The following RNF19A variants were observed in gnomAD, a reference collection of about 807,000 sequenced individuals.
RNF19A encodes ring finger protein 19A, RBR E3 ubiquitin protein ligase.
Under a neutral mutation model 75.7 loss-of-function variants are expected in RNF19A, and 32 were observed. That is an observed-to-expected ratio of 0.42 (90% CI 0.32 to 0.57). The LOEUF is 0.57. Ranked by LOEUF, RNF19A falls within the 20% of genes least tolerant of loss-of-function variation. RNF19A has a pLI of 0.10. For missense variants in RNF19A, 782 were observed against 1,036.3 expected, an observed-to-expected ratio of 0.75 and a Z score of 3.37; for synonymous variants, 335 against 345.2, an observed-to-expected ratio of 0.97 and a Z score of 0.33.
At position 100,259,961 on chromosome 8, in the gene RNF19A, G is replaced by A. The variant is rs1819637166; in HGVS notation, c.1719C>T (p.Tyr573=). ...EVQADVQKER[Y]SLSGESGTVS... is the part of the protein sequence containing the mutation. ...CTGTGCCAGATTCTCCACTTAGACT[G>A]TACCGTTCTTTCTGTACATCTGCTT... The change falls in exon 9 of 10, where the codon TAC becomes TAT. Residue 573 remains tyrosine (Y), a synonymous_variant. Transcript: ENST00000341084. The surrounding 1 kb of genome is among the most constrained non-coding windows in gnomAD (Gnocchi z 4.5). 1 of 1,613,876 alleles carries A rather than the reference G, an allele frequency of 6.2e-7. No homozygotes were observed. Among genetic ancestry groups the A allele is most frequent in the South Asian group, 1.1e-5 (1 of 91,064 alleles).
At chr8:100,307,619 A>G (rs1822114158) in intron 1 of RNF19A, among the ~76,000 whole-genome samples, 1 of 152,068 alleles carries the variant, frequency 6.6e-6, no homozygotes. Context: ...TCAAATAGTT[A>G]AAACAAAAAG....
intron 1 of RNF19A, among the ~76,000 whole-genome samples, chr8:100,290,140 A>C (rs1214077192): frequency 6.6e-6 from 1 of 152,172 alleles, no homozygotes; most frequent in African/African-American, 2.4e-5. Flanking sequence ...TTTGAGACAC[A>C]GTCTGTGTCT....
rs568845700 is a variant in RNF19A at position 100,284,122 on chromosome 8, T to C, written c.674+3379A>G. The stretch of plus-strand genomic sequence containing the variant: ...AAACTTTGGAAATACAGATGAAGAA[T>C]AATAAGTAAGAGCAATGACAAGCTT... On this transcript the variant is annotated intron_variant, in intron 2 of 9. Transcript: ENST00000341084. This position sits in a 1 kb window ranked among gnomAD's most constrained non-coding sequence, Gnocchi z 4.3. 4.6e-5 allele frequency among the ~76,000 whole-genome samples: 7 copies of C among 152,100 alleles called. 1 individual carries two copies. The highest frequency in any genetic ancestry group is 1.7e-4 in the African/African-American group (7 of 41,518).
chr8:100,301,859 C>G (rs1408178006), intron 1 of RNF19A, among the ~76,000 whole-genome samples: 2 of 152,110 alleles, frequency 1.3e-5, no homozygotes, highest in African/African-American at 4.8e-5. Context: ...ACAGGGTGAT[C>G]ACAGTCTCAT....
At position 100,258,857 on chromosome 8, in the gene RNF19A, A is replaced by G; in HGVS notation, c.2216T>C (p.Met739Thr). 1 of 1,614,210 alleles carries G rather than the reference A, an allele frequency of 6.2e-7. No individual in the cohort carries two copies. Among genetic ancestry groups the G allele is most frequent in the Admixed American group, 1.7e-5 (1 of 60,032 alleles). ...GGAACCATGACTACAAGAAGTTTTC[A>G]TGCTTTCTAGGTCAGAACAACTAAA... ...SEFSCSDLES[M>T]KTSCSHGSSD... The change falls in exon 10 of 10, where the codon ATG becomes ACG. Residue 739 changes from methionine (M) to threonine (T), a missense_variant. Around this residue, in one of 7 missense-constraint regions of RNF19A, gnomAD observed 442 missense variants for 541.6 expected, o/e 0.82. Transcript: ENST00000341084. The surrounding 1 kb of genome is among the most constrained non-coding windows in gnomAD (Gnocchi z 4.3).
At position 100,261,171 on chromosome 8, in the gene RNF19A, T is replaced by G. The variant is rs1042210872; in HGVS notation, c.1682+371A>C. Among the ~76,000 whole-genome samples, 12 of 152,230 alleles carry G rather than the reference T, an allele frequency of 7.9e-5. 1 individual carries two copies. Among genetic ancestry groups the G allele is most frequent in the Admixed American group, 6.5e-4 (10 of 15,288 alleles). ...GCTCAGTGGTGTGATCTTGGCTGAC[T>G]GCAGCCTCCAACTCCCAGGCTCAAG... On this transcript the variant is annotated intron_variant, in intron 8 of 9. Coordinates refer to ENST00000341084, the MANE Select transcript of RNF19A (RefSeq NM_183419.4). This position sits in a 1 kb window ranked among gnomAD's most constrained non-coding sequence, Gnocchi z 4.4.
At position 100,288,380 on chromosome 8, in the gene RNF19A, G is replaced by GT. The variant is rs1366055731; in HGVS notation, c.-93-114dup. The GT allele has an allele frequency of 1.3e-4, 86 of 647,056 alleles. No individual in the cohort carries two copies. In the Middle Eastern group the frequency reaches 1.5e-3, roughly 12 times the overall value. The allele number at this position is 647,056 out of a possible 1,614,324, so 40.1% of individuals were successfully genotyped here. ...TGTTTCTTAACCATTAGTAGTAGTT[G>GT]TTTTTTTTAACAAGGCCAATTTATT... On this transcript the variant is annotated intron_variant, in intron 1 of 9. Transcript: ENST00000341084.
At chr8:100,291,198 T>C (rs1821277602) in intron 1 of RNF19A, among the ~76,000 whole-genome samples, 1 of 152,196 alleles carries the variant, frequency 6.6e-6, no homozygotes, top group Admixed American at 6.5e-5. Context: ...ACCACTCACC[T>C]CAAATAGATG....
chr8:100,316,480 C>T (rs965420835), intron 1 of RNF19A, among the ~76,000 whole-genome samples: 1 of 152,104 alleles, frequency 6.6e-6, no homozygotes, highest in African/African-American at 2.4e-5. Flanking sequence ...TTTACAATCC[C>T]TGAGCTAGAT....
In RNF19A at chr8:100,261,433, T is replaced by C. The variant is rs1819708277; in HGVS notation, c.1682+109A>G. 1.0e-6 allele frequency: 1 copy of C among 971,040 alleles called. No homozygotes were observed. Among genetic ancestry groups the C allele is most frequent in the South Asian group, 1.5e-5 (1 of 66,182 alleles). 60.2% of individuals were successfully genotyped at this position (971,040 alleles called of 1,614,324 possible). A position where few individuals can be genotyped will look rare whatever the true frequency, so the allele number is the denominator to read the frequency against. ...TTTTTAACATTACTATTTTGAACCTTGACATAGTAGGGTTATATATAATCA... is the reference window on the plus strand; with the variant it reads ...TTTTTAACATTACTATTTTGAACCTCGACATAGTAGGGTTATATATAATCA... On this transcript the variant is annotated intron_variant, in intron 8 of 9. Transcript: ENST00000341084. The surrounding 1 kb of genome is among the most constrained non-coding windows in gnomAD (Gnocchi z 4.4).
intron 1 of RNF19A, among the ~76,000 whole-genome samples, chr8:100,335,771 T>A (rs1822672566): frequency 6.6e-6 from 1 of 152,122 alleles, no homozygotes; most frequent in South Asian, 2.1e-4. Flanking sequence ...TGGCCGCCTG[T>A]CCCTAGGTGC....
Position 100,284,769 on chromosome 8 carries a change from T to A in RNF19A, c.674+2732A>T, listed in dbSNP as rs1384578844. Reference sequence around the variant, plus strand: ...TTCTGATTATTTTTATTAAGAAATATCACATATAAAAAAGGTTTATAAAGA... The same window carrying A: ...TTCTGATTATTTTTATTAAGAAATAACACATATAAAAAAGGTTTATAAAGA... On this transcript the variant is annotated intron_variant, in intron 2 of 9. Transcript: ENST00000341084. This position sits in a 1 kb window ranked among gnomAD's most constrained non-coding sequence, Gnocchi z 4.3. 6.6e-6 allele frequency among the ~76,000 whole-genome samples: 1 copy of A among 152,106 alleles called. No individual in the cohort carries two copies. Among genetic ancestry groups the A allele is most frequent in the Non-Finnish European group, 1.5e-5 (1 of 67,958 alleles).
intron 1 of RNF19A, among the ~76,000 whole-genome samples, chr8:100,319,264 C>T (rs1159971279): frequency 6.6e-6 from 1 of 151,742 alleles, no homozygotes; most frequent in Non-Finnish European, 1.5e-5. Flanking sequence ...GTGATTCCTG[C>T]TCTTTTCCAG....
intron 2 of RNF19A, among the ~76,000 whole-genome samples, chr8:100,276,723 CAAAAAAAA>C (rs60419107): frequency 2.5e-5 from 2 of 80,596 alleles, no homozygotes; most frequent in African/African-American, 8.0e-5. Flanking sequence ...ACCACTGTAC[CAAAAAAAA>C]AAAAAAAAAA....
At chr8:100,335,529 C>G (rs1473728504) in intron 1 of RNF19A, among the ~76,000 whole-genome samples, 1 of 152,172 alleles carries the variant, frequency 6.6e-6, no homozygotes, top group African/African-American at 2.4e-5. Flanking sequence ...ATATTAAATA[C>G]TTTTTACTAT....
In RNF19A at chr8:100,331,509, C is replaced by A. The variant is rs541611993; in HGVS notation, c.-243+4599G>T. 1.3e-5 allele frequency among the ~76,000 whole-genome samples: 2 copies of A among 151,890 alleles called. No individual in the cohort carries two copies. Among genetic ancestry groups the A allele is most frequent in the Admixed American group, 1.3e-4 (2 of 15,260 alleles). ...AAAAGTAGCTGGGCATGGTGGCATG[C>A]ACCAGCAGTCCCAGCTACTCGGGAG... On this transcript the variant is annotated intron_variant, in intron 1 of 3. Transcript: ENST00000519527. The surrounding 1 kb of genome is among the most constrained non-coding windows in gnomAD (Gnocchi z 5.2).
rs1340860985 is a variant in RNF19A at position 100,294,041 on chromosome 8, A to G, written c.-93-5774T>C. ...TAAGTCCTTAAAAACTGCAGTTGCT[A>G]TAAAGTCTGTCTGCTAATTCTGCTA... is the stretch of plus-strand genomic sequence containing the variant. On this transcript the variant is annotated intron_variant, in intron 1 of 9. Coordinates refer to ENST00000341084, the MANE Select transcript of RNF19A (RefSeq NM_183419.4). Among the ~76,000 whole-genome samples, 3 of 152,194 alleles carry G rather than the reference A, an allele frequency of 2.0e-5. No homozygotes were observed. In the East Asian group the frequency reaches 5.8e-4, roughly 29 times the overall value.
intron 1 of RNF19A, chr8:100,303,379 T>C (rs1209217796): frequency 1.3e-5 from 2 of 152,220 alleles, no homozygotes; most frequent in African/African-American, 2.4e-5. Context: ...ACAAAGACAC[T>C]TGTCACTTGA....
In RNF19A at chr8:100,268,890, C is replaced by T. The variant is rs1316291549; in HGVS notation, c.1086G>A (p.Leu362=). 6.2e-7 allele frequency: 1 copy of T among 1,604,696 alleles called. No homozygotes were observed. The highest frequency in any genetic ancestry group is 8.5e-7 in the Non-Finnish European group (1 of 1,174,622). ...CACCAACCAGTGTTCCCAGTTGCCACAATATTTTCTTCTTTCGGCTCCAGG... is the reference window on the plus strand; with the variant it reads ...CACCAACCAGTGTTCCCAGTTGCCATAATATTTTCTTCTTTCGGCTCCAGG... ...KKPWSRKKKI[L]WQLGTLVGAP... The change falls in exon 5 of 10, where the codon TTG becomes TTA. Residue 362 remains leucine, a synonymous_variant. Coordinates refer to ENST00000341084, the MANE Select transcript of RNF19A (RefSeq NM_183419.4).
Sources: gnomAD v4.1 joint callset for allele counts (sites outside exome capture counted in the v4.1 genomes callset) on GRCh38, gnomAD v4.1.1 for gene constraint, gnomAD v4.1.1 regional missense constraint, Gnocchi (gnomAD v3.1) non-coding constraint, MANE v1.5 for transcripts, NCBI Gene and HGNC (gene_info 2026-07-23, HGNC 2026-07-21) for gene names.